Variants in CAMKMT observed in about 807,000 individuals in gnomAD.
The protein encoded by CAMKMT is CaM KMT.
A neutral mutation model predicts 48.0 loss-of-function variants in CAMKMT; 53 were observed. That is an observed-to-expected ratio of 1.10 (90% CI 0.89 to 1.39). CAMKMT has a LOEUF of 1.39. Among genes scored for constraint, CAMKMT ranks in the 40% most tolerant of loss-of-function variants. The pLI is 0.00. For missense variants in CAMKMT, 428 were observed against 402.7 expected (o/e 1.06, Z -0.54); for synonymous variants, 165 against 152.3 (o/e 1.08, Z -0.61).
intron 3 of CAMKMT, among the ~76,000 whole-genome samples, chr2:44,520,782 G>A (rs1347853427): frequency 6.6e-6 from 1 of 152,156 alleles, no homozygotes; most frequent in Non-Finnish European, 1.5e-5. Flanking sequence ...GAGGTAATTG[G>A]ATCATGGGGG....
rs187544112 is a variant in CAMKMT, at chr2:44,690,077, T to C, written c.377-14206T>C. ...AGTTCTAATTCCATTGAAATAGACA[T>C]GTAATGAAGATTTAACTTCTAGGAC... is the stretch of plus-strand genomic sequence containing the variant. On this transcript the variant is annotated intron_variant, in intron 3 of 10. Transcript: ENST00000378494. Among the ~76,000 whole-genome samples the C allele has an allele frequency of 2.8e-4, 43 of 152,356 alleles. No homozygotes were observed. The East Asian group carries it at 7.3e-3, about 26-fold the overall frequency.
At chr2:44,714,599 A>G (rs1678068274) in intron 6 of CAMKMT, among the ~76,000 whole-genome samples, 1 of 152,060 alleles carries the variant, frequency 6.6e-6, no homozygotes, top group African/African-American at 2.4e-5. Flanking sequence ...ACCCCTCCCT[A>G]GCAGCATTTA....
chr2:44,760,194 T>C (rs1204599619), intron 9 of CAMKMT, among the ~76,000 whole-genome samples: 1 of 152,146 alleles, frequency 6.6e-6, no homozygotes, highest in African/African-American at 2.4e-5. Context: ...CAAGAGTGAC[T>C]GCCTGAGGAA....
intron 3 of CAMKMT, among the ~76,000 whole-genome samples, chr2:44,555,424 A>G (rs1667954366): frequency 6.6e-6 from 1 of 152,192 alleles, no homozygotes. Context: ...CAGGGACTAC[A>G]GGAAGAACAG....
intron 3 of CAMKMT, among the ~76,000 whole-genome samples, chr2:44,687,942 A>G (rs946982137): frequency 6.6e-6 from 1 of 152,260 alleles, no homozygotes; most frequent in African/African-American, 2.4e-5. Context: ...TTAACTAGAC[A>G]TGAACAACTG....
intron 3 of CAMKMT, among the ~76,000 whole-genome samples, chr2:44,661,658 T>C (rs1488574286): frequency 6.6e-6 from 1 of 152,222 alleles, no homozygotes; most frequent in Admixed American, 6.5e-5. Context: ...TTTCATTAAT[T>C]ACTTGTGTTT....
intron 3 of CAMKMT, among the ~76,000 whole-genome samples, chr2:44,564,681 C>G (rs1668515219): frequency 6.6e-6 from 1 of 152,250 alleles, no homozygotes; most frequent in East Asian, 1.9e-4. Context: ...GCTGAGATTA[C>G]AAGCATGTGC....
At chr2:44,681,389 G>A (rs556753352) in intron 3 of CAMKMT, among the ~76,000 whole-genome samples, 1 of 152,156 alleles carries the variant, frequency 6.6e-6, no homozygotes, top group Non-Finnish European at 1.5e-5. Flanking sequence ...GATAGGAAGG[G>A]GGAAAAGCCG....
intron 3 of CAMKMT, among the ~76,000 whole-genome samples, chr2:44,634,907 T>C (rs951583499): frequency 1.3e-5 from 2 of 151,866 alleles, no homozygotes; most frequent in Non-Finnish European, 2.9e-5. Flanking sequence ...TAATCATTCA[T>C]TTAATAAATG....
At chr2:44,745,308 A>G (rs918882125) in intron 8 of CAMKMT, among the ~76,000 whole-genome samples, 6 of 152,202 alleles carry the variant, frequency 3.9e-5, no homozygotes, top group African/African-American at 9.7e-5. Flanking sequence ...ACCTTGTGTT[A>G]TGGACACTCT....
At chr2:44,513,995 G>C (rs1469992583) in intron 3 of CAMKMT, among the ~76,000 whole-genome samples, 1 of 151,854 alleles carries the variant, frequency 6.6e-6, no homozygotes, top group African/African-American at 2.4e-5. Context: ...TCAGCTATTT[G>C]GGAGTCTGAG....
intron 3 of CAMKMT, among the ~76,000 whole-genome samples, chr2:44,619,494 C>T (rs1057122775): frequency 6.6e-6 from 1 of 151,998 alleles, no homozygotes; most frequent in African/African-American, 2.4e-5. Flanking sequence ...TCTGCAAACA[C>T]ATATGTGTGT....
At chr2:44,672,883 T>C (rs1397611273) in intron 3 of CAMKMT, among the ~76,000 whole-genome samples, 1 of 152,234 alleles carries the variant, frequency 6.6e-6, no homozygotes, top group Non-Finnish European at 1.5e-5. Flanking sequence ...TTTTTAGCTA[T>C]ATTTTTCTAG....
At chr2:44,628,528 A>G (rs191512573) in intron 3 of CAMKMT, among the ~76,000 whole-genome samples, 24 of 150,870 alleles carry the variant, frequency 1.6e-4, no homozygotes, top group Admixed American at 1.6e-3. Context: ...TAGGTCATTG[A>G]TTTCAAACCT....
At chr2:44,365,844 G>C (rs1254749842) in intron 1 of CAMKMT, among the ~76,000 whole-genome samples, 2 of 152,222 alleles carry the variant, frequency 1.3e-5, no homozygotes, top group Non-Finnish European at 2.9e-5. Flanking sequence ...ATGTTGCCTA[G>C]AGGTATGAAT....
intron 3 of CAMKMT, among the ~76,000 whole-genome samples, chr2:44,492,330 T>C (rs1045066254): frequency 1.3e-5 from 2 of 152,182 alleles, no homozygotes; most frequent in Non-Finnish European, 2.9e-5. Context: ...TCAACTTCCA[T>C]AAATGTAAAT....
intron 3 of CAMKMT, among the ~76,000 whole-genome samples, chr2:44,474,387 C>T (rs1053873757): frequency 6.8e-6 from 1 of 145,994 alleles, no homozygotes; most frequent in Non-Finnish European, 1.5e-5. Context: ...ATGGAGGTTG[C>T]AGTGGGCTGA....
At chr2:44,679,518 C>T (rs1311807587) in intron 3 of CAMKMT, among the ~76,000 whole-genome samples, 2 of 152,220 alleles carry the variant, frequency 1.3e-5, no homozygotes, top group Admixed American at 1.3e-4. Flanking sequence ...GCAGTGCATT[C>T]TCCACGAGGG....
intron 3 of CAMKMT, among the ~76,000 whole-genome samples, chr2:44,602,115 C>T: frequency 6.6e-6 from 1 of 152,016 alleles, no homozygotes; most frequent in East Asian, 1.9e-4. Flanking sequence ...AAGCGATCCT[C>T]CCACCTCAGC....
Sources: gnomAD v4.1 joint callset for allele counts (sites outside exome capture counted in the v4.1 genomes callset) on GRCh38, gnomAD v4.1.1 for gene constraint, MANE v1.5 for transcripts, NCBI Gene and HGNC (gene_info 2026-07-23, HGNC 2026-07-21) for gene names.